The following CHD6 variants were observed in gnomAD, a reference collection of about 807,000 sequenced individuals.
CHD6 encodes the protein ATP-dependent chromatin remodeler CHD6.
CHD6 carries 50 observed loss-of-function variants against 276.9 expected under a neutral mutation model. The ratio of observed to expected loss-of-function variants is 0.18; its 90% CI spans 0.14 to 0.23. CHD6 has a LOEUF of 0.23. Ranked by LOEUF, CHD6 falls within the 10% of genes least tolerant of loss-of-function variation. CHD6 has a pLI of 1.00. For missense variants in CHD6, 2,564 were observed against 3,365.8 expected (o/e 0.76, Z 5.89); for synonymous variants, 1,173 against 1,229.3 (o/e 0.95, Z 0.96).
At chr20:41,554,432 TC>T (rs2045191103) in intron 1 of CHD6, among the ~76,000 whole-genome samples, 1 of 151,876 alleles carries the variant, frequency 6.6e-6, no homozygotes, top group African/African-American at 2.4e-5. Context: ...TGGGTGTTTC[TC>T]GCAGAGGGGG....
intron 1 of CHD6, among the ~76,000 whole-genome samples, chr20:41,567,276 C>G (rs1157256540): frequency 6.6e-6 from 1 of 152,132 alleles, no homozygotes; most frequent in Non-Finnish European, 1.5e-5. Flanking sequence ...ACTTAAGTCC[C>G]CCTTATCAAG....
Position 41,533,259 on chromosome 20 carries a change from C to T in CHD6, c.345G>A (p.Glu115=), listed in dbSNP as rs756778721. ...EGAAKGSKDR[E]PKPKRKREPK... ...GTTCTCGTTTCCTCTTTGGCTTGGGCTCTCTGTCCTTGCTTCCCTTTGCTG... is the reference window on the plus strand; with the variant it reads ...GTTCTCGTTTCCTCTTTGGCTTGGGTTCTCTGTCCTTGCTTCCCTTTGCTG... The change falls in exon 3 of 37, where the codon GAG becomes GAA. Residue 115 remains glutamate (E), a synonymous_variant. Transcript: ENST00000373233. The T allele has an allele frequency of 2.5e-6, 4 of 1,613,506 alleles. No homozygotes were observed. The African/African-American group carries it at 4.0e-5, about 16-fold the overall frequency.
rs760966128 is a variant in CHD6 at position 41,416,618 on chromosome 20, G to T, written c.6456C>A (p.Asn2152Lys). 2 of 1,613,228 alleles carry T rather than the reference G, an allele frequency of 1.2e-6. No homozygotes were observed. Among genetic ancestry groups the T allele is most frequent in the Admixed American group, 1.7e-5 (1 of 59,956 alleles). ...GGATCTGGGCCGCCAATGCTGCGCC[G>T]TTGCTGAAGCTGTGTTCTGCTGCTT... ...EPEAAEHSFS[N>K]GAALAAQIHK... The change falls in exon 33 of 37, where the codon AAC becomes AAA. Residue 2152 changes from asparagine to lysine, a missense_variant. Coordinates refer to ENST00000373233, the MANE Select transcript of CHD6 (RefSeq NM_032221.5).
At chr20:41,599,305 G>C (rs951543193) in intron 1 of CHD6, among the ~76,000 whole-genome samples, 1 of 152,050 alleles carries the variant, frequency 6.6e-6, no homozygotes, top group African/African-American at 2.4e-5. Flanking sequence ...CACAGCCCCC[G>C]ATGGAACAAT....
chr20:41,589,663 A>G lies in CHD6; in HGVS notation c.-24+28677T>C, dbSNP rs189035762. 8.5e-5 allele frequency among the ~76,000 whole-genome samples: 13 copies of G among 152,320 alleles called. No homozygotes were observed. In the East Asian group the frequency reaches 2.5e-3, roughly 29 times the overall value. ...ATACCTAGGAATCCAACTTACAAGGAATGTGAAGTACCTCTTCAAGGAGAA... is the reference window on the plus strand; with the variant it reads ...ATACCTAGGAATCCAACTTACAAGGGATGTGAAGTACCTCTTCAAGGAGAA... On this transcript the variant is annotated intron_variant, in intron 1 of 36. Coordinates refer to ENST00000373233, the MANE Select transcript of CHD6 (RefSeq NM_032221.5).
intron 5 of CHD6, among the ~76,000 whole-genome samples, chr20:41,501,548 C>A (rs1298191400): frequency 2.0e-5 from 3 of 152,042 alleles, no homozygotes; most frequent in African/African-American, 7.2e-5. Context: ...TATAAACTAT[C>A]CACTCTACTG....
chr20:41,535,674 T>C lies in CHD6; in HGVS notation c.34-2104A>G, dbSNP rs538712246. On this transcript the variant is annotated intron_variant, in intron 2 of 36. Transcript: ENST00000373233. ...AGGAGTTAGAGACCAGCCTGGGCAATAGAGCAAGACCCTGTCTCTACCAAA... is the reference window on the plus strand; with the variant it reads ...AGGAGTTAGAGACCAGCCTGGGCAACAGAGCAAGACCCTGTCTCTACCAAA... Among the ~76,000 whole-genome samples the C allele has an allele frequency of 1.5e-4, 23 of 151,848 alleles. No homozygotes were observed. In the East Asian group the frequency reaches 3.5e-3, roughly 23 times the overall value.
At chr20:41,576,400 C>A (rs2045474847) in intron 1 of CHD6, among the ~76,000 whole-genome samples, 1 of 152,204 alleles carries the variant, frequency 6.6e-6, no homozygotes, top group African/African-American at 2.4e-5. Context: ...AAACTTCAAA[C>A]ACAGGCCAGG....
intron 2 of CHD6, among the ~76,000 whole-genome samples, chr20:41,534,032 T>C (rs1258501542): frequency 6.6e-6 from 1 of 152,176 alleles, no homozygotes; most frequent in African/African-American, 2.4e-5. Flanking sequence ...CAAATAAAAG[T>C]ACAGCCCCCC....
intron 1 of CHD6, among the ~76,000 whole-genome samples, chr20:41,570,836 A>G (rs1384712132): frequency 6.6e-6 from 1 of 152,226 alleles, no homozygotes; most frequent in African/African-American, 2.4e-5. Context: ...GTGTAATGCC[A>G]GAGTTTCTTA....
At chr20:41,468,389 C>A (rs1264910730) in intron 17 of CHD6, among the ~76,000 whole-genome samples, 1 of 152,164 alleles carries the variant, frequency 6.6e-6, no homozygotes. Flanking sequence ...GGATTACAGG[C>A]ATGAGCCACC....
chr20:41,497,511 G>T lies in CHD6; in HGVS notation c.975-10C>A. The T allele has an allele frequency of 6.3e-7, 1 of 1,580,434 alleles. No individual in the cohort carries two copies. The highest frequency in any genetic ancestry group is 8.7e-7 in the Non-Finnish European group (1 of 1,149,442). On this transcript the variant is annotated splice_polypyrimidine_tract_variant and intron_variant, in intron 7 of 36. Transcript: ENST00000373233. ...ACAATGTAAGTAGGAACTATCCAAA[G>T]ACATACAAATTGTCAGGCAAGCACA...
chr20:41,540,970 T>A (rs2044930103), intron 2 of CHD6, among the ~76,000 whole-genome samples: 1 of 151,726 alleles, frequency 6.6e-6, no homozygotes. Flanking sequence ...TTTTTCACCT[T>A]CACTTTCTTC....
At chr20:41,468,935 T>A (rs1424057391) in intron 17 of CHD6, among the ~76,000 whole-genome samples, 1 of 152,152 alleles carries the variant, frequency 6.6e-6, no homozygotes. Flanking sequence ...GAGGCTGCGG[T>A]GAACTGACTT....
At chr20:41,456,106 G>T in intron 18 of CHD6, 127 bp from the exon 19 acceptor site, 2 of 849,598 alleles carry the variant, frequency 2.4e-6, no homozygotes, top group Non-Finnish European at 3.4e-6. Flanking sequence ...AAGGACGTGG[G>T]CAACAAACTT....
intron 20 of CHD6, among the ~76,000 whole-genome samples, chr20:41,453,575 T>A (rs373514224): frequency 3.3e-5 from 5 of 152,092 alleles, no homozygotes; most frequent in Non-Finnish European, 7.4e-5. Context: ...CAGGCCAGCC[T>A]CCTGACTACT....
At chr20:41,587,892 T>C (rs1020663817) in intron 1 of CHD6, among the ~76,000 whole-genome samples, 2 of 152,024 alleles carry the variant, frequency 1.3e-5, no homozygotes, top group Non-Finnish European at 2.9e-5. Flanking sequence ...AAATGGAATG[T>C]ACCAAAAGAA....
chr20:41,508,610 T>C (rs934122381), intron 5 of CHD6, among the ~76,000 whole-genome samples: 2 of 152,150 alleles, frequency 1.3e-5, no homozygotes, highest in African/African-American at 4.8e-5. Context: ...GAATTGGTGG[T>C]TGTACCCAGT....
intron 2 of CHD6, among the ~76,000 whole-genome samples, chr20:41,550,480 C>T (rs574992338): frequency 1.3e-5 from 2 of 152,294 alleles, no homozygotes; most frequent in South Asian, 2.1e-4. Flanking sequence ...GTAACCATAA[C>T]CCTAACCCAT....
Sources: allele counts gnomAD v4.1 joint callset (sites outside exome capture counted in the v4.1 genomes callset), GRCh38; gene constraint gnomAD v4.1.1; transcripts MANE v1.5; gene names NCBI Gene and HGNC (gene_info 2026-07-23, HGNC 2026-07-21).